Variants in STYX observed in about 807,000 individuals in gnomAD.
STYX encodes serine/threonine/tyrosine-interacting protein.
STYX carries 20 observed loss-of-function variants against 42.7 expected under a neutral mutation model. That is an observed-to-expected ratio of 0.47 (90% CI 0.33 to 0.68). STYX has a LOEUF of 0.68. Ranked by LOEUF, STYX falls within the 30% of genes least tolerant of loss-of-function variation. STYX has a pLI of 0.02. For missense variants in STYX, 226 were observed against 268.5 expected (o/e 0.84, Z 1.11); for synonymous variants, 78 against 81.9 (o/e 0.95, Z 0.26).
chr14:52,766,339 G>C (rs1471718838), intron 9 of STYX, among the ~76,000 whole-genome samples: 1 of 152,094 alleles, frequency 6.6e-6, no homozygotes, highest in African/African-American at 2.4e-5. Context: ...GCTAATTTTT[G>C]TATTTTTTGT....
chr14:52,767,397 G>A (rs1217167615), intron 9 of STYX, among the ~76,000 whole-genome samples: 1 of 152,080 alleles, frequency 6.6e-6, no homozygotes, highest in African/African-American at 2.4e-5. Context: ...TGATTAATTT[G>A]TTCATAGTTT....
At chr14:52,746,574 A>G in intron 3 of STYX, 95 bp downstream of exon 3, 1 of 1,031,356 alleles carries the variant, frequency 9.7e-7, no homozygotes, top group Non-Finnish European at 1.4e-6. Context: ...TTTAGGGAGC[A>G]TCCACAAATA....
intron 1 of STYX, among the ~76,000 whole-genome samples, chr14:52,740,792 T>A (rs1285072151): frequency 2.0e-5 from 3 of 152,190 alleles, no homozygotes; most frequent in Admixed American, 1.3e-4. Context: ...TATAGTGTAA[T>A]GTACAAATAG....
chr14:52,768,705 A>C (rs537886651), intron 9 of STYX, 135 bp from the exon 10 acceptor site: 2 of 559,238 alleles, frequency 3.6e-6, no homozygotes, highest in Admixed American at 3.8e-5. Context: ...TTAAACTTCC[A>C]TTTCTCTTCA....
intron 8 of STYX, among the ~76,000 whole-genome samples, chr14:52,759,047 C>G (rs965882396): frequency 3.3e-5 from 5 of 152,170 alleles, no homozygotes; most frequent in African/African-American, 9.7e-5. Flanking sequence ...AGCCTCATAA[C>G]AAAAGTAAAT....
chr14:52,766,532 TC>T, intron 9 of STYX, among the ~76,000 whole-genome samples: 1 of 152,142 alleles, frequency 6.6e-6, no homozygotes. Context: ...GGTCTCAAAC[TC>T]CTGGGCTCAA....
At chr14:52,735,518 C>T (rs1455339838) in intron 1 of STYX, among the ~76,000 whole-genome samples, 2 of 152,138 alleles carry the variant, frequency 1.3e-5, no homozygotes, top group Admixed American at 6.6e-5. Context: ...TAAAACTATA[C>T]ATAGGGGCCA....
intron 1 of STYX, among the ~76,000 whole-genome samples, chr14:52,743,417 T>C (rs1276639365): frequency 6.6e-6 from 1 of 151,768 alleles, no homozygotes; most frequent in Non-Finnish European, 1.5e-5. Context: ...CCGTCTCTAC[T>C]AAAAGCACAC....
At chr14:52,739,931 C>A (rs914471591) in intron 1 of STYX, among the ~76,000 whole-genome samples, 5 of 152,064 alleles carry the variant, frequency 3.3e-5, no homozygotes, top group Non-Finnish European at 7.4e-5. Context: ...TGTGAGCTAC[C>A]ATACCTGGCT....
chr14:52,760,475 T>A (rs1361245360), intron 9 of STYX, among the ~76,000 whole-genome samples: 2 of 152,206 alleles, frequency 1.3e-5, no homozygotes. Context: ...AGTCTATGAA[T>A]TAACCTAATT....
chr14:52,733,289 C>G (rs1436503250), intron 1 of STYX, among the ~76,000 whole-genome samples: 2 of 152,098 alleles, frequency 1.3e-5, no homozygotes, highest in African/African-American at 2.4e-5. Context: ...CTGATAAATT[C>G]TTGCTGGGAA....
intron 9 of STYX, among the ~76,000 whole-genome samples, chr14:52,760,029 C>T (rs913096901): frequency 1.3e-5 from 2 of 151,778 alleles, no homozygotes; most frequent in African/African-American, 4.8e-5. Context: ...GAGACCCAAT[C>T]TCTAAAAAAT....
At chr14:52,760,822 C>CT (rs892569928) in intron 9 of STYX, among the ~76,000 whole-genome samples, 4 of 150,496 alleles carry the variant, frequency 2.7e-5, no homozygotes, top group Admixed American at 6.6e-5. Context: ...TTAAGCTTTT[C>CT]TTTTTTTTGT....
Position 52,744,863 on chromosome 14 carries a change from C to T in STYX, c.69C>T (p.Tyr23=), listed in dbSNP as rs748431702. The change falls in exon 2 of 11, where the codon TAC becomes TAT. Residue 23 remains tyrosine (Y), a synonymous_variant. Coordinates refer to ENST00000354586, the MANE Select transcript of STYX (RefSeq NM_145251.4). The part of the protein sequence containing the change: ...QCKEDAEEWT[Y]PMRREMQEIL... Reference sequence around the variant, plus strand: ...GTTTTCCTTCCCAGGAGTGGACCTACCCTATGAGACGAGAGATGCAGGTAT... The same window carrying T: ...GTTTTCCTTCCCAGGAGTGGACCTATCCTATGAGACGAGAGATGCAGGTAT... The T allele has an allele frequency of 1.2e-6, 2 of 1,613,298 alleles. No individual in the cohort carries two copies. The highest frequency in any genetic ancestry group is 1.7e-6 in the Non-Finnish European group (2 of 1,179,730).
At chr14:52,754,236 A>G (rs1881759716) in intron 4 of STYX, among the ~76,000 whole-genome samples, 1 of 150,930 alleles carries the variant, frequency 6.6e-6, no homozygotes. Context: ...TTTCAAAGAT[A>G]GGATCTTTCT....
At position 52,772,736 on chromosome 14, in the gene STYX, A is replaced by G. The variant is rs577695299; in HGVS notation, c.*1630A>G. The G allele has an allele frequency of 5.9e-5, 9 of 152,664 alleles. No homozygotes were observed. In the East Asian group the frequency reaches 1.7e-3, roughly 29 times the overall value. The allele number at this position is 152,664 out of a possible 1,614,324, so 9.5% of individuals were successfully genotyped here. ...TACCCAGCATAGTGGGAGAGTGGAG[A>G]TTAATTAAAATTGTTAATTAAGAGT... is the stretch of plus-strand genomic sequence containing the variant. On this transcript the variant is annotated 3_prime_UTR_variant, in exon 11 of 11. Transcript: ENST00000354586.
intron 8 of STYX, among the ~76,000 whole-genome samples, chr14:52,759,018 T>G (rs1203193177): frequency 1.3e-5 from 2 of 152,228 alleles, no homozygotes; most frequent in Non-Finnish European, 2.9e-5. Flanking sequence ...ATGAGCTCAG[T>G]ACTATTATAG....
chr14:52,762,877 TCTTTC>T (rs796208086), intron 9 of STYX, among the ~76,000 whole-genome samples: 6 of 122,416 alleles, frequency 4.9e-5, no homozygotes, highest in African/African-American at 9.5e-5. Context: ...TTTCTTTCTT[TCTTTC>T]TTTTTTTTTT....
chr14:52,772,433 G>GT lies in STYX; in HGVS notation c.*1328dup, dbSNP rs1348180950. ...TGGATTTTTGGCTATGTTTTAGTTT[G>GT]TGTGTATAAAAGTTCTAAGAAAACA... On this transcript the variant is annotated 3_prime_UTR_variant, in exon 11 of 11. Transcript: ENST00000354586. The GT allele has an allele frequency of 6.6e-6, 1 of 152,566 alleles. No individual in the cohort carries two copies. The highest frequency in any genetic ancestry group is 1.5e-5 in the Non-Finnish European group (1 of 67,998). The allele number at this position is 152,566 out of a possible 1,614,324, so 9.5% of individuals were successfully genotyped here.
Sources: gnomAD v4.1 joint callset for allele counts (sites outside exome capture counted in the v4.1 genomes callset) on GRCh38, gnomAD v4.1.1 for gene constraint, MANE v1.5 for transcripts, NCBI Gene and HGNC (gene_info 2026-07-23, HGNC 2026-07-21) for gene names.